NTM: variants seen among roughly 807,000 people sequenced by gnomAD.
The protein encoded by NTM is IgLON family member 2.
In NTM, 13 loss-of-function variants were observed where a neutral mutation model predicts 42.1. The observed-to-expected ratio is 0.31, with a 90% CI of 0.20 to 0.49. NTM has a LOEUF of 0.49. Among genes scored for constraint, NTM ranks in the 20% least tolerant of loss-of-function variants. NTM has a pLI of 0.99. For synonymous variants in NTM, 187 were observed against 179.2 expected (o/e 1.04, Z -0.35); for missense variants, 373 against 452.8 (o/e 0.82, Z 1.60).
chr11:131,827,032 C>G (rs1316999389), intron 1 of NTM, among the ~76,000 whole-genome samples: 1 of 152,038 alleles, frequency 6.6e-6, no homozygotes, highest in Non-Finnish European at 1.5e-5. Context: ...ATGCATGTAT[C>G]CATTATTTCC....
At chr11:131,642,180 C>G (rs1212606693) in intron 1 of NTM, among the ~76,000 whole-genome samples, 1 of 152,138 alleles carries the variant, frequency 6.6e-6, no homozygotes, top group Non-Finnish European at 1.5e-5. Flanking sequence ...GCTGGATAAA[C>G]AGTGCTAAGC....
At chr11:132,235,004 G>C (rs1487168705) in intron 4 of NTM, among the ~76,000 whole-genome samples, 1 of 152,194 alleles carries the variant, frequency 6.6e-6, no homozygotes, top group Non-Finnish European at 1.5e-5. Flanking sequence ...CAACATGCCT[G>C]CCTGTATTAA....
intron 2 of NTM, among the ~76,000 whole-genome samples, chr11:131,915,744 G>A (rs1316875019): frequency 2.6e-5 from 4 of 152,226 alleles, no homozygotes; most frequent in Admixed American, 1.3e-4. Context: ...CATTTTACAC[G>A]GCGGCAGATG....
chr11:132,155,072 T>C (rs1004771550), intron 3 of NTM, among the ~76,000 whole-genome samples: 1 of 152,208 alleles, frequency 6.6e-6, no homozygotes, highest in East Asian at 1.9e-4. Flanking sequence ...CAAGTAGTGC[T>C]TTCTACTGTG....
intron 2 of NTM, among the ~76,000 whole-genome samples, chr11:132,068,153 G>C (rs1594292058): frequency 6.6e-6 from 1 of 152,306 alleles, no homozygotes; most frequent in East Asian, 1.9e-4. Flanking sequence ...TCTCTCCAGA[G>C]GACATTTTGT....
intron 2 of NTM, among the ~76,000 whole-genome samples, chr11:132,062,964 G>A (rs1039514214): frequency 3.3e-5 from 5 of 152,224 alleles, no homozygotes; most frequent in East Asian, 1.9e-4. Context: ...AGAAAGGTCA[G>A]TGTTTTAGAC....
At chr11:131,618,056 A>G (rs186807404) in intron 1 of NTM, among the ~76,000 whole-genome samples, 2 of 152,236 alleles carry the variant, frequency 1.3e-5, no homozygotes, top group Non-Finnish European at 2.9e-5. Flanking sequence ...TTGGTGTTAA[A>G]AAAGCAATCC....
intron 1 of NTM, chr11:131,573,459 G>A (rs1467737417): frequency 2.0e-5 from 3 of 152,134 alleles, no homozygotes; most frequent in African/African-American, 7.2e-5. Context: ...CAACCAGCAG[G>A]GGACAATTCA....
At position 131,673,093 on chromosome 11, in the gene NTM, C is replaced by G. The variant is rs866372755; in HGVS notation, c.83-238471C>G. Among the ~76,000 whole-genome samples the G allele has an allele frequency of 2.6e-5, 4 of 151,226 alleles. No homozygotes were observed. The South Asian group carries it at 8.3e-4, about 32-fold the overall frequency. On this transcript the variant is annotated intron_variant, in intron 1 of 8. Transcript: ENST00000683400. ...GTTCCTTGTCTATTTTAGGCTTTAG[C>G]CTAAAAATAGATGGGGATGGAGAGG...
At chr11:131,453,001 G>A (rs1363978767) in intron 1 of NTM, among the ~76,000 whole-genome samples, 1 of 152,162 alleles carries the variant, frequency 6.6e-6, no homozygotes, top group African/African-American at 2.4e-5. Context: ...TTTCTCTGGG[G>A]CCAATTCTCC....
chr11:132,326,035 G>A (rs1323728334), intron 7 of NTM, among the ~76,000 whole-genome samples: 5 of 151,846 alleles, frequency 3.3e-5, no homozygotes, highest in South Asian at 2.1e-4. Context: ...GGGGACGGGG[G>A]AGGGATAGCA....
At chr11:132,319,329 A>C (rs977720298) in intron 7 of NTM, among the ~76,000 whole-genome samples, 1 of 152,206 alleles carries the variant, frequency 6.6e-6, no homozygotes, top group Non-Finnish European at 1.5e-5. Flanking sequence ...GCATCGCCTT[A>C]CCTGGGAAGC....
chr11:132,149,071 G>C (rs912174286), intron 3 of NTM, among the ~76,000 whole-genome samples: 1 of 152,062 alleles, frequency 6.6e-6, no homozygotes, highest in African/African-American at 2.4e-5. Flanking sequence ...ATCCGCTGTC[G>C]ATATGCCTGG....
At chr11:131,926,425 C>T (rs562375835) in intron 2 of NTM, among the ~76,000 whole-genome samples, 5 of 152,074 alleles carry the variant, frequency 3.3e-5, no homozygotes, top group South Asian at 4.2e-4. Context: ...GGGGCTTGCA[C>T]GATGGTCAAG....
intron 1 of NTM, among the ~76,000 whole-genome samples, chr11:131,905,414 G>A (rs567938709): frequency 1.3e-5 from 2 of 152,292 alleles, no homozygotes; most frequent in Admixed American, 6.5e-5. Flanking sequence ...GTTTGTATGA[G>A]CACCGTCTGA....
Position 132,335,204 on chromosome 11 carries a change from C to G in NTM, c.*58C>G. The G allele has an allele frequency of 6.3e-7, 1 of 1,581,776 alleles. No homozygotes were observed. Among genetic ancestry groups the G allele is most frequent in the Non-Finnish European group, 8.6e-7 (1 of 1,157,646 alleles). On this transcript the variant is annotated 3_prime_UTR_variant, in exon 9 of 9. Coordinates refer to ENST00000683400, the MANE Select transcript of NTM (RefSeq NM_001352005.2). ...GCCGCCACCACCACCACCAACACAACAGCAATGGCAACACCGACAGCAACC... is the reference window on the plus strand; with the variant it reads ...GCCGCCACCACCACCACCAACACAAGAGCAATGGCAACACCGACAGCAACC...
At chr11:131,995,266 T>G (rs1235155733) in intron 2 of NTM, among the ~76,000 whole-genome samples, 1 of 152,078 alleles carries the variant, frequency 6.6e-6, no homozygotes, top group African/African-American at 2.4e-5. Flanking sequence ...GAATCTAAAT[T>G]TTTCATTCTT....
At chr11:131,643,326 G>A (rs1319628208) in intron 1 of NTM, among the ~76,000 whole-genome samples, 13 of 152,172 alleles carry the variant, frequency 8.5e-5, no homozygotes, top group Admixed American at 3.3e-4. Context: ...CGTGCCAGTC[G>A]TGGCCCAGAG....
At chr11:132,033,802 C>T (rs199896651) in intron 2 of NTM, among the ~76,000 whole-genome samples, 1 of 152,068 alleles carries the variant, frequency 6.6e-6, no homozygotes. Context: ...GAGATAAATC[C>T]GGAGACTGGA....
Sources: allele counts gnomAD v4.1 joint callset (sites outside exome capture counted in the v4.1 genomes callset), GRCh38; gene constraint gnomAD v4.1.1; transcripts MANE v1.5; gene names NCBI Gene and HGNC (gene_info 2026-07-23, HGNC 2026-07-21).